Variants in OAT observed in about 807,000 individuals in gnomAD.
The protein encoded by OAT is ornithine aminotransferase.
In OAT, 35 loss-of-function variants were observed where a neutral mutation model predicts 48.4. The observed-to-expected ratio is 0.72, with a 90% CI of 0.55 to 0.96. OAT has a LOEUF of 0.96. Ranked by LOEUF, OAT falls within the 40% of genes least tolerant of loss-of-function variation. OAT has a pLI of 0.00. For missense variants in OAT, 438 were observed against 537.9 expected (o/e 0.81, Z 1.84); for synonymous variants, 182 against 198.4 (o/e 0.92, Z 0.70).
At chr10:124,407,097 C>T in intron 4 of OAT, 3 of 985,450 alleles carry the variant, frequency 3.0e-6, no homozygotes, top group Non-Finnish European at 3.6e-6. Flanking sequence ...TTTCTAAATA[C>T]TATTCTTGCA....
intron 4 of OAT, chr10:124,407,197 T>C: frequency 1.0e-6 from 1 of 985,472 alleles, no homozygotes; most frequent in South Asian, 4.7e-5. Flanking sequence ...ACTAGGTTTG[T>C]TTAAGAAGAA....
chr10:124,409,988 T>C (rs565406118), intron 2 of OAT, among the ~76,000 whole-genome samples: 1 of 152,336 alleles, frequency 6.6e-6, no homozygotes, highest in South Asian at 2.1e-4. Flanking sequence ...TGCCATGTCA[T>C]GTAATATGAA....
intron 8 of OAT, 21 bp from the exon 9 acceptor site, chr10:124,401,005 T>C: frequency 1.3e-6 from 2 of 1,586,898 alleles, no homozygotes; most frequent in East Asian, 2.3e-5. Flanking sequence ...AGAAAAATTA[T>C]ACAAATATTA....
intron 4 of OAT, chr10:124,407,007 A>G (rs1054721354): frequency 1.0e-6 from 1 of 985,310 alleles, no homozygotes; most frequent in Non-Finnish European, 1.2e-6. Context: ...TTGTGACATC[A>G]TGTTTTTATC....
rs2134456121 is a variant in OAT, at chr10:124,402,917, T to C, written c.900+10A>G. 19 of 1,613,330 alleles carry C rather than the reference T, an allele frequency of 1.2e-5. No individual in the cohort carries two copies. The highest frequency in any genetic ancestry group is 2.2e-5 in the East Asian group (1 of 44,878). On this transcript the variant is annotated intron_variant, in intron 7 of 9. Coordinates refer to ENST00000368845, the MANE Select transcript of OAT (RefSeq NM_000274.4). ...GTAGGAAATGGAAAGAGGGGGAACA[T>C]GAAACTTACAGGGTATAAGCCCCCA... is the stretch of plus-strand genomic sequence containing the variant.
chr10:124,399,597 G>A (rs1051567701), intron 9 of OAT, among the ~76,000 whole-genome samples: 17 of 151,940 alleles, frequency 1.1e-4, no homozygotes, highest in African/African-American at 2.7e-4. Flanking sequence ...CACCCGTCTC[G>A]GCCTCCCAAA....
intron 9 of OAT, among the ~76,000 whole-genome samples, chr10:124,399,894 G>C (rs187332887): frequency 6.6e-6 from 1 of 152,240 alleles, no homozygotes; most frequent in Admixed American, 6.5e-5. Context: ...AGGGAGGGAA[G>C]GATAGCAAAG....
rs1481693202 is a variant in OAT, at chr10:124,403,978, T to C, written c.649-58A>G. 1.4e-5 allele frequency: 23 copies of C among 1,595,364 alleles called. No homozygotes were observed. The East Asian group carries it at 4.9e-4, about 34-fold the overall frequency. ...TTCCTTTCTACCACACTTGGAAATC[T>C]GAAAGCATATACCACACATATTTTA... On this transcript the variant is annotated intron_variant, in intron 5 of 9. Coordinates refer to ENST00000368845, the MANE Select transcript of OAT (RefSeq NM_000274.4).
chr10:124,398,034 C>T lies in OAT; in HGVS notation c.1228G>A (p.Asp410Asn), dbSNP rs745530000. ...NGLLAKPTHG[D>N]IIRFAPPLVI... ...AGCGGAGGCGCAAACCTGATAATGT[C>T]GCCATGGGTTGGCTTGGCCAGAAGT... Residue 410 changes from aspartate (D) to asparagine (N), a missense_variant, in exon 10 of 10, where the codon GAC (aspartate) becomes AAC (asparagine). Coordinates refer to ENST00000368845, the MANE Select transcript of OAT (RefSeq NM_000274.4). The T allele has an allele frequency of 1.9e-5, 30 of 1,613,966 alleles. No individual in the cohort carries two copies. The highest frequency in any genetic ancestry group is 2.7e-5 in the African/African-American group (2 of 74,916).
intron 2 of OAT, among the ~76,000 whole-genome samples, chr10:124,410,948 C>T (rs542830965): frequency 6.6e-4 from 100 of 151,330 alleles, no homozygotes; most frequent in Non-Finnish European, 1.3e-3. Flanking sequence ...GAGACCAGCC[C>T]GGCCAACATG....
chr10:124,406,111 T>C (rs1951568954), intron 4 of OAT: 1 of 985,136 alleles, frequency 1.0e-6, no homozygotes, highest in Non-Finnish European at 1.2e-6. Context: ...TGATGCTAAA[T>C]GACAGACGTC....
chr10:124,413,166 G>A (rs140312930), intron 1 of OAT, among the ~76,000 whole-genome samples: 18 of 152,054 alleles, frequency 1.2e-4, no homozygotes, highest in African/African-American at 4.1e-4. Context: ...AAACAAAGGT[G>A]AAAGGCAAAA....
intron 1 of OAT, among the ~76,000 whole-genome samples, chr10:124,413,267 TACACACACAC>T (rs58272470): frequency 0.015 from 2,041 of 134,678 alleles, 27 homozygotes; most frequent in African/African-American, 0.026. Context: ...CATAAATACA[TACACACACAC>T]ACACACACAC....
intron 4 of OAT, chr10:124,407,068 G>C: frequency 1.0e-6 from 1 of 985,372 alleles, no homozygotes. Context: ...CTGGATTATC[G>C]TATTTTGGCT....
intron 7 of OAT, among the ~76,000 whole-genome samples, 191 bp downstream of exon 7, chr10:124,402,736 G>T (rs1951446721): frequency 6.6e-6 from 1 of 152,160 alleles, no homozygotes; most frequent in African/African-American, 2.4e-5. Context: ...CAATTCTTCA[G>T]GCAATAAGTA....
intron 1 of OAT, chr10:124,418,230 C>G (rs1048760016): frequency 3.9e-5 from 6 of 152,548 alleles, no homozygotes; most frequent in African/African-American, 1.4e-4. Context: ...GAAAAAAAAT[C>G]ATAGGCTGGA....
At chr10:124,408,487 C>G in intron 4 of OAT, 55 bp downstream of exon 4, 1 of 1,483,578 alleles carries the variant, frequency 6.7e-7, no homozygotes. Flanking sequence ...TGCCTGGCCA[C>G]AGTAAATTAT....
chr10:124,411,688 C>T (rs902621298), intron 2 of OAT, among the ~76,000 whole-genome samples: 13 of 151,836 alleles, frequency 8.6e-5, no homozygotes, highest in Admixed American at 2.6e-4. Flanking sequence ...TGGTGGCGCA[C>T]GCCTGTAGTC....
intron 9 of OAT, among the ~76,000 whole-genome samples, chr10:124,400,584 C>T (rs1951378247): frequency 6.6e-6 from 1 of 151,998 alleles, no homozygotes; most frequent in Admixed American, 6.6e-5. Flanking sequence ...GAAACCCCAT[C>T]TCTATTAAAA....
Sources: allele counts gnomAD v4.1 joint callset (sites outside exome capture counted in the v4.1 genomes callset), GRCh38; gene constraint gnomAD v4.1.1; transcripts MANE v1.5; gene names NCBI Gene and HGNC (gene_info 2026-07-23, HGNC 2026-07-21).